SLC25A13: variants seen among roughly 807,000 people sequenced by gnomAD.
SLC25A13 encodes electrogenic aspartate/glutamate antiporter SLC25A13, mitochondrial.
SLC25A13 carries 70 observed loss-of-function variants against 85.5 expected under a neutral mutation model. The observed-to-expected ratio is 0.82, with a 90% CI of 0.68 to 1.00. The LOEUF (loss-of-function observed/expected upper bound fraction) is 1.00. SLC25A13 is among the 50% of genes least tolerant of loss of function. The pLI is 0.00. For synonymous variants in SLC25A13, 259 were observed against 288.7 expected, an observed-to-expected ratio of 0.90 and a Z score of 1.04; for missense variants, 765 against 819.8, an observed-to-expected ratio of 0.93 and a Z score of 0.82.
At position 96,191,246 on chromosome 7, in the gene SLC25A13, GC is replaced by G; in HGVS notation, c.616del (p.Ala206LeufsTer44). On this transcript the variant is annotated frameshift_variant and splice_region_variant, in exon 7 of 18. Transcript: ENST00000265631. LOFTEE classifies it high-confidence loss of function. ...TPFVEECLVA[A>X]AGGTTSHQVS... ...TTGATGGGATGTGGTACCTCCAGCAGCCTCAAATAAATTGAAAACAAGAGAG... is the reference window on the plus strand; with the variant it reads ...TTGATGGGATGTGGTACCTCCAGCAGCTCAAATAAATTGAAAACAAGAGAG... The G allele has an allele frequency of 1.9e-6, 3 of 1,613,678 alleles. No individual in the cohort carries two copies. The South Asian group carries it at 3.3e-5, about 18-fold the overall frequency.
intron 11 of SLC25A13, among the ~76,000 whole-genome samples, chr7:96,180,303 C>T (rs539151881): frequency 5.3e-5 from 8 of 152,032 alleles, no homozygotes; most frequent in Admixed American, 2.0e-4. Flanking sequence ...CAAAAATTTT[C>T]GTCTAAGAAG....
chr7:96,130,290 C>T (rs1791966540), intron 15 of SLC25A13, among the ~76,000 whole-genome samples: 1 of 152,210 alleles, frequency 6.6e-6, no homozygotes, highest in Non-Finnish European at 1.5e-5. Flanking sequence ...TACTTAACTT[C>T]TAATTTCACA....
intron 2 of SLC25A13, among the ~76,000 whole-genome samples, chr7:96,295,828 T>C (rs967373582): frequency 1.3e-5 from 2 of 150,994 alleles, no homozygotes; most frequent in African/African-American, 4.9e-5. Context: ...AAAACATATA[T>C]ATATAAAATA....
chr7:96,321,818 G>T (rs1800357774), intron 1 of SLC25A13, 124 bp downstream of exon 1: 1 of 1,264,538 alleles, frequency 7.9e-7, no homozygotes, highest in Non-Finnish European at 1.1e-6. Context: ...AAGGTGGAAC[G>T]GCTGCCCGGC....
intron 1 of SLC25A13, among the ~76,000 whole-genome samples, chr7:96,303,350 T>C (rs1237123783): frequency 6.6e-6 from 1 of 151,798 alleles, no homozygotes; most frequent in Non-Finnish European, 1.5e-5. Context: ...TCTGGGTGTG[T>C]GTGTGGGTGG....
At chr7:96,192,672 T>C (rs1794900088) in intron 6 of SLC25A13, among the ~76,000 whole-genome samples, 1 of 115,920 alleles carries the variant, frequency 8.6e-6, no homozygotes, top group Non-Finnish European at 1.8e-5. Context: ...ACAAATGATA[T>C]ACATGTGCAC....
intron 1 of SLC25A13, among the ~76,000 whole-genome samples, chr7:96,319,147 C>T (rs1267905402): frequency 6.6e-6 from 1 of 152,144 alleles, no homozygotes; most frequent in Non-Finnish European, 1.5e-5. Context: ...TACTGCACTG[C>T]CATTGAGTTA....
At chr7:96,317,286 C>T (rs1584616540) in intron 1 of SLC25A13, among the ~76,000 whole-genome samples, 1 of 152,072 alleles carries the variant, frequency 6.6e-6, no homozygotes, top group East Asian at 1.9e-4. Flanking sequence ...AGATCTTAGG[C>T]CACTAACATC....
At chr7:96,280,223 C>A (rs895148927) in intron 2 of SLC25A13, among the ~76,000 whole-genome samples, 1 of 152,044 alleles carries the variant, frequency 6.6e-6, no homozygotes, top group Non-Finnish European at 1.5e-5. Context: ...CCTCAAATTC[C>A]CAGACTAGTA....
At chr7:96,205,735 C>T (rs1157451043) in intron 5 of SLC25A13, among the ~76,000 whole-genome samples, 2 of 152,158 alleles carry the variant, frequency 1.3e-5, no homozygotes, top group Non-Finnish European at 2.9e-5. Flanking sequence ...AATTGATTCA[C>T]CACTTTATGA....
At chr7:96,172,501 T>A (rs983834242) in intron 11 of SLC25A13, among the ~76,000 whole-genome samples, 17 of 151,178 alleles carry the variant, frequency 1.1e-4, no homozygotes, top group African/African-American at 4.1e-4. Context: ...GAGGTTGCAG[T>A]GAGCCGAGAT....
chr7:96,272,895 G>C (rs902234164), intron 3 of SLC25A13, among the ~76,000 whole-genome samples: 1 of 152,208 alleles, frequency 6.6e-6, no homozygotes, highest in Non-Finnish European at 1.5e-5. Flanking sequence ...GTTCAGCAAA[G>C]AATCATCATG....
intron 3 of SLC25A13, among the ~76,000 whole-genome samples, chr7:96,276,724 A>G (rs1310495331): frequency 6.6e-6 from 1 of 152,214 alleles, no homozygotes; most frequent in Non-Finnish European, 1.5e-5. Context: ...ATTTGATTCT[A>G]TATGGTACAG....
chr7:96,274,229 G>A (rs530253885), intron 3 of SLC25A13, among the ~76,000 whole-genome samples: 1 of 151,988 alleles, frequency 6.6e-6, no homozygotes, highest in African/African-American at 2.4e-5. Flanking sequence ...ATCTCATTAT[G>A]GTTATGATTT....
chr7:96,197,340 G>A (rs1314532600), intron 5 of SLC25A13, among the ~76,000 whole-genome samples: 2 of 152,164 alleles, frequency 1.3e-5, no homozygotes, highest in East Asian at 3.8e-4. Context: ...TACACCCAGA[G>A]CATCAGGATT....
At chr7:96,299,244 T>C (rs1051882949) in intron 1 of SLC25A13, among the ~76,000 whole-genome samples, 18 of 152,200 alleles carry the variant, frequency 1.2e-4, no homozygotes, top group African/African-American at 4.3e-4. Flanking sequence ...GTATATTCAG[T>C]GCTCCCCATC....
chr7:96,139,945 CTTTTTTTT>C (rs59749381), intron 14 of SLC25A13, among the ~76,000 whole-genome samples: 13 of 86,370 alleles, frequency 1.5e-4, no homozygotes, highest in African/African-American at 5.4e-4. Context: ...GATTTCCATT[CTTTTTTTT>C]TTTTTTTTTT....
intron 13 of SLC25A13, among the ~76,000 whole-genome samples, chr7:96,158,432 A>G (rs528686833): frequency 2.2e-4 from 33 of 152,352 alleles, no homozygotes; most frequent in Non-Finnish European, 4.0e-4. Flanking sequence ...AGCAATAAAT[A>G]TAACTGTAAT....
chr7:96,243,582 A>G (rs1797073185), intron 3 of SLC25A13, among the ~76,000 whole-genome samples: 1 of 152,118 alleles, frequency 6.6e-6, no homozygotes, highest in Admixed American at 6.5e-5. Context: ...TGTACTACAT[A>G]GCCAGGCTTG....
Sources: allele counts gnomAD v4.1 joint callset (sites outside exome capture counted in the v4.1 genomes callset), GRCh38; gene constraint gnomAD v4.1.1; transcripts MANE v1.5; gene names NCBI Gene and HGNC (gene_info 2026-07-23, HGNC 2026-07-21).